SLIT2: variants seen among roughly 807,000 people sequenced by gnomAD.
SLIT2 encodes the protein slit homolog 2 protein.
In SLIT2, 41 loss-of-function variants were observed where a neutral mutation model predicts 185.7. That is an observed-to-expected ratio of 0.22 (90% CI 0.17 to 0.29). The LOEUF (loss-of-function observed/expected upper bound fraction) is 0.29. Among genes scored for constraint, SLIT2 ranks in the 10% least tolerant of loss-of-function variants. The pLI, the probability that SLIT2 is intolerant of heterozygous loss-of-function variation, is 1.00. For synonymous variants in SLIT2, 693 were observed against 680.2 expected (o/e 1.02, Z -0.29); for missense variants, 1,571 against 1,909.0 (o/e 0.82, Z 3.30).
intron 19 of SLIT2, among the ~76,000 whole-genome samples, chr4:20,540,303 A>G (rs75648276): frequency 0.015 from 2,264 of 152,028 alleles, 62 homozygotes; most frequent in African/African-American, 0.051. Context: ...AAAAAAAAAA[A>G]AGAATCATTT....
At chr4:20,522,626 A>G (rs1014358342) in intron 12 of SLIT2, among the ~76,000 whole-genome samples, 1 of 152,176 alleles carries the variant, frequency 6.6e-6, no homozygotes, top group Non-Finnish European at 1.5e-5. Context: ...ACCGAGAATG[A>G]TGTTTGCCAA....
At chr4:20,386,777 A>G (rs1724967016) in intron 4 of SLIT2, among the ~76,000 whole-genome samples, 1 of 152,240 alleles carries the variant, frequency 6.6e-6, no homozygotes, top group African/African-American at 2.4e-5. Context: ...ACAAGGAACA[A>G]ATAGCTATGT....
At chr4:20,314,168 A>G (rs1718376753) in intron 4 of SLIT2, among the ~76,000 whole-genome samples, 1 of 152,146 alleles carries the variant, frequency 6.6e-6, no homozygotes, top group Non-Finnish European at 1.5e-5. Flanking sequence ...CAACTGACAT[A>G]TTCCAGCTCT....
chr4:20,411,003 G>A (rs1727213634), intron 4 of SLIT2, among the ~76,000 whole-genome samples: 2 of 152,060 alleles, frequency 1.3e-5, no homozygotes, highest in South Asian at 4.2e-4. Context: ...ATTGCTTTTG[G>A]CAGTATGGCC....
chr4:20,571,349 A>G (rs1725591158), intron 29 of SLIT2, among the ~76,000 whole-genome samples: 3 of 152,178 alleles, frequency 2.0e-5, no homozygotes, highest in Non-Finnish European at 2.9e-5. Context: ...TGACCATTTT[A>G]TCTTTGGAAT....
chr4:20,579,702 C>G (rs1487869794), intron 29 of SLIT2, among the ~76,000 whole-genome samples: 1 of 151,866 alleles, frequency 6.6e-6, no homozygotes, highest in African/African-American at 2.4e-5. Flanking sequence ...AAAAAAACCT[C>G]ACTCTGAGAG....
intron 26 of SLIT2, among the ~76,000 whole-genome samples, chr4:20,561,837 A>T (rs1240859979): frequency 1.3e-5 from 2 of 151,780 alleles, no homozygotes; most frequent in Non-Finnish European, 2.9e-5. Flanking sequence ...ACTTTTTAAA[A>T]CTTAAAACAC....
At chr4:20,441,503 G>A (rs865851658) in intron 4 of SLIT2, among the ~76,000 whole-genome samples, 16 of 73,368 alleles carry the variant, frequency 2.2e-4, no homozygotes, top group South Asian at 4.1e-4. Context: ...TCTCTCTCTC[G>A]CCCCCCCCCA....
chr4:20,396,099 A>T (rs1049302229), intron 4 of SLIT2, among the ~76,000 whole-genome samples: 1 of 151,942 alleles, frequency 6.6e-6, no homozygotes, highest in Non-Finnish European at 1.5e-5. Flanking sequence ...GGCACAGAGT[A>T]TATAATAACA....
intron 26 of SLIT2, among the ~76,000 whole-genome samples, chr4:20,555,617 T>A (rs1448140231): frequency 6.6e-6 from 1 of 152,112 alleles, no homozygotes; most frequent in Admixed American, 6.5e-5. Context: ...CATGGTTTAT[T>A]AATAAAAAAG....
At chr4:20,379,815 C>A (rs924629033) in intron 4 of SLIT2, among the ~76,000 whole-genome samples, 2 of 152,068 alleles carry the variant, frequency 1.3e-5, no homozygotes, top group Non-Finnish European at 2.9e-5. Context: ...AGCTTACTAT[C>A]GGGAAGGAAT....
chr4:20,546,725 A>T (rs1379631590), intron 22 of SLIT2, among the ~76,000 whole-genome samples: 1 of 152,078 alleles, frequency 6.6e-6, no homozygotes, highest in East Asian at 1.9e-4. Context: ...ACAACCCTTA[A>T]GTTGTAAATA....
In SLIT2 at chr4:20,617,177, A is replaced by G. The variant is rs762916905; in HGVS notation, c.4115A>G (p.Asn1372Ser). 10 of 1,592,384 alleles carry G rather than the reference A, an allele frequency of 6.3e-6. No homozygotes were observed. Among genetic ancestry groups the G allele is most frequent in the Non-Finnish European group, 6.9e-6 (8 of 1,164,822 alleles). The change falls in exon 35 of 37, where the codon AAT becomes AGT. Residue 1372 changes from asparagine (N) to serine (S), a missense_variant. Physicochemically the swap from Asn to Ser is conservative, Grantham distance 46. Coordinates refer to ENST00000504154, the MANE Select transcript of SLIT2 (RefSeq NM_004787.4). ...GGGCCCCTCTGTGACCAACGGACCA[A>G]TGACCCTTGCCTTGGAAATAAGTAA... is the stretch of plus-strand genomic sequence containing the variant. Reference protein sequence around the residue: ...WMGPLCDQRTNDPCLGNKCVH... With the variant: ...WMGPLCDQRTSDPCLGNKCVH...
rs1205400371 is a variant in SLIT2, at chr4:20,524,098, T to C, written c.1359T>C (p.Ser453=). 6.2e-7 allele frequency: 1 copy of C among 1,614,018 alleles called. No homozygotes were observed. Among genetic ancestry groups the C allele is most frequent in the Non-Finnish European group, 8.5e-7 (1 of 1,180,002 alleles). The change falls in exon 14 of 37, where the codon AGT becomes AGC. Residue 453 remains serine (S), a synonymous_variant. Transcript: ENST00000504154. ...TCCATACCAACCCGATTGAGACCAG[T>C]GGTGCCCGTTGCACCAGCCCCCGCC... ...DYLHTNPIET[S]GARCTSPRRL...
At chr4:20,419,695 G>GTT (rs1218638949) in intron 4 of SLIT2, among the ~76,000 whole-genome samples, 54 of 151,722 alleles carry the variant, frequency 3.6e-4, no homozygotes, top group African/African-American at 1.2e-3. Context: ...GTGTGTGTGT[G>GTT]TGTGTGTGTG....
At chr4:20,408,183 T>G (rs1047167143) in intron 4 of SLIT2, among the ~76,000 whole-genome samples, 1 of 152,182 alleles carries the variant, frequency 6.6e-6, no homozygotes. Context: ...AGTTTTTTCA[T>G]CTCAGCGATT....
chr4:20,419,805 C>T (rs1474468431), intron 4 of SLIT2, among the ~76,000 whole-genome samples: 1 of 151,622 alleles, frequency 6.6e-6, no homozygotes, highest in East Asian at 1.9e-4. Flanking sequence ...ATATTAAGAA[C>T]AGGAGAGATC....
chr4:20,443,582 TAAAAA>T (rs71653885), intron 4 of SLIT2, among the ~76,000 whole-genome samples: 5 of 63,052 alleles, frequency 7.9e-5, no homozygotes, highest in East Asian at 6.3e-4. Context: ...GGAGAAAATC[TAAAAA>T]AAAAAAAAAA....
chr4:20,608,687 T>C (rs530154498), intron 33 of SLIT2, among the ~76,000 whole-genome samples: 2 of 152,276 alleles, frequency 1.3e-5, no homozygotes, highest in South Asian at 4.1e-4. Context: ...AACGTTTTAT[T>C]ACCTGTCAGC....
Sources: allele counts gnomAD v4.1 joint callset (sites outside exome capture counted in the v4.1 genomes callset), GRCh38; gene constraint gnomAD v4.1.1; transcripts MANE v1.5; gene names NCBI Gene and HGNC (gene_info 2026-07-23, HGNC 2026-07-21).